Variants in WNT7B observed in about 807,000 individuals in gnomAD.
WNT7B encodes the protein Wnt family member 7B, also known as protein Wnt-7b.
Under a neutral mutation model 38.2 loss-of-function variants are expected in WNT7B, and 19 were observed. The observed-to-expected ratio is 0.50, with a 90% CI of 0.35 to 0.73. WNT7B has a LOEUF of 0.73. WNT7B is among the 30% of genes least tolerant of loss of function. The pLI is 0.01. For synonymous variants in WNT7B, 243 were observed against 209.3 expected (o/e 1.16, Z -1.39); for missense variants, 423 against 507.9 (o/e 0.83, Z 1.61).
At chr22:45,928,283 C>T (rs1292939985) in intron 3 of WNT7B, among the ~76,000 whole-genome samples, 1 of 152,166 alleles carries the variant, frequency 6.6e-6, no homozygotes, top group Non-Finnish European at 1.5e-5. Flanking sequence ...GGGCTGGATT[C>T]AGTGCTTATG....
At chr22:45,933,984 C>T (rs1931446623) in intron 2 of WNT7B, among the ~76,000 whole-genome samples, 1 of 152,224 alleles carries the variant, frequency 6.6e-6, no homozygotes, top group Admixed American at 6.5e-5. Flanking sequence ...CCGGAACATT[C>T]AGAGGCCGGT....
At position 45,963,486 on chromosome 22, in the gene WNT7B, C is replaced by A. The variant is rs141763774; in HGVS notation, c.71+13198G>T. Among the ~76,000 whole-genome samples, 120 of 152,250 alleles carry A rather than the reference C, an allele frequency of 7.9e-4. 2 individuals are homozygous for A. The East Asian group carries it at 0.022, about 28-fold the overall frequency. ...TGAAGTGGCCCGAGGTCCTGAGTGC[C>A]GTCCCTGCCTTCCCCACGGCGAGCC... On this transcript the variant is annotated intron_variant, in intron 1 of 3. Coordinates refer to ENST00000339464, the MANE Select transcript of WNT7B (RefSeq NM_058238.3).
At position 45,935,874 on chromosome 22, in the gene WNT7B, G is replaced by A. The variant is rs1931502474; in HGVS notation, c.299-4505C>T. On this transcript the variant is annotated intron_variant, in intron 2 of 3. Transcript: ENST00000339464. ...GCTGCCCTAGATGTGTGTGGTGATGGGGAAGCTGGATGAGGGCAGCACGGA... is the reference window on the plus strand; with the variant it reads ...GCTGCCCTAGATGTGTGTGGTGATGAGGAAGCTGGATGAGGGCAGCACGGA... 8.1e-6 allele frequency: 8 copies of A among 985,366 alleles called. No homozygotes were observed. In the South Asian group the frequency reaches 3.3e-4, roughly 41 times the overall value. 61.0% of individuals were successfully genotyped at this position (985,366 alleles called of 1,614,324 possible). A position where few individuals can be genotyped will look rare whatever the true frequency, so the allele number is the denominator to read the frequency against.
Position 45,932,571 on chromosome 22 carries a change from T to C in WNT7B, c.299-1202A>G, listed in dbSNP as rs375496464. Among the ~76,000 whole-genome samples the C allele has an allele frequency of 3.2e-3, 493 of 152,206 alleles. 4 individuals are homozygous for C. The highest frequency in any genetic ancestry group is 0.011 in the African/African-American group (470 of 41,558). On this transcript the variant is annotated intron_variant, in intron 2 of 3. Coordinates refer to ENST00000339464, the MANE Select transcript of WNT7B (RefSeq NM_058238.3). ...GCAGGTTCAGCTCTCATTTCCTCTT[T>C]GTTTCCCCCATCTCCAGGCCAGGCC... is the stretch of plus-strand genomic sequence containing the variant.
At chr22:45,929,384 T>C (rs187641260) in intron 3 of WNT7B, among the ~76,000 whole-genome samples, 2 of 149,266 alleles carry the variant, frequency 1.3e-5, no homozygotes, top group African/African-American at 2.5e-5. Context: ...ATCCACCCAC[T>C]CACCCATCCA....
intron 2 of WNT7B, among the ~76,000 whole-genome samples, chr22:45,939,854 T>C (rs773204773): frequency 2.0e-5 from 3 of 151,960 alleles, no homozygotes; most frequent in Non-Finnish European, 1.5e-5. Flanking sequence ...CCCCAAAACA[T>C]CATGCCAAGT....
Position 45,975,741 on chromosome 22 carries a change from G to A in WNT7B, c.71+943C>T. 1 of 405,908 alleles carries A rather than the reference G, an allele frequency of 2.5e-6. No homozygotes were observed. The highest frequency in any genetic ancestry group is 4.4e-6 in the Non-Finnish European group (1 of 226,132). 25.1% of individuals were successfully genotyped at this position (405,908 alleles called of 1,614,324 possible). On this transcript the variant is annotated intron_variant, in intron 1 of 3. Coordinates refer to ENST00000339464, the MANE Select transcript of WNT7B (RefSeq NM_058238.3). The surrounding 1 kb of genome is among the most constrained non-coding windows in gnomAD (Gnocchi z 6.6). Reference sequence around the variant, plus strand: ...GGGCAGCCGGCGGCGCACAGTAGGCGCGCAGGGCGCGGCGGGGCCCGGGTC... The same window carrying A: ...GGGCAGCCGGCGGCGCACAGTAGGCACGCAGGGCGCGGCGGGGCCCGGGTC...
chr22:45,975,582 T>C lies in WNT7B; in HGVS notation c.71+1102A>G, dbSNP rs1208989308. 1.4e-6 allele frequency: 1 copy of C among 716,672 alleles called. No homozygotes were observed. The highest frequency in any genetic ancestry group is 2.0e-5 in the Admixed American group (1 of 49,982). The allele number at this position is 716,672 out of a possible 1,614,324, so 44.4% of individuals were successfully genotyped here. On this transcript the variant is annotated intron_variant, in intron 1 of 3. Coordinates refer to ENST00000339464, the MANE Select transcript of WNT7B (RefSeq NM_058238.3). The surrounding 1 kb of genome is among the most constrained non-coding windows in gnomAD (Gnocchi z 6.6). ...GGGGCAGACATGGGATGGAGGGTGA[T>C]GGAGAGACGATTCCCAGCGCCTGCT...
chr22:45,949,083 G>A (rs909505845), intron 2 of WNT7B, among the ~76,000 whole-genome samples: 1 of 151,902 alleles, frequency 6.6e-6, no homozygotes, highest in South Asian at 2.1e-4. Flanking sequence ...CACCCCCCTC[G>A]TCCTCCCAAA....
At chr22:45,929,531 C>T (rs1381203942) in intron 3 of WNT7B, among the ~76,000 whole-genome samples, 2 of 136,800 alleles carry the variant, frequency 1.5e-5, no homozygotes, top group Non-Finnish European at 3.1e-5. Flanking sequence ...CATCTTTCCA[C>T]CCACTCATCC....
chr22:45,960,197 C>G (rs1243316222), intron 1 of WNT7B, among the ~76,000 whole-genome samples: 1 of 152,200 alleles, frequency 6.6e-6, no homozygotes, highest in African/African-American at 2.4e-5. Flanking sequence ...GGCCCCAGAC[C>G]TGCCCCCTCA....
intron 1 of WNT7B, among the ~76,000 whole-genome samples, chr22:45,957,010 G>A (rs540764093): frequency 1.3e-5 from 2 of 151,560 alleles, no homozygotes; most frequent in African/African-American, 2.4e-5. Context: ...GGAAGCTGAG[G>A]CAGGAGAATC....
In WNT7B at chr22:45,976,610, CG is replaced by C; in HGVS notation, c.71+73del. The C allele has an allele frequency of 2.7e-6, 4 of 1,507,482 alleles. No individual in the cohort carries two copies. The highest frequency in any genetic ancestry group is 3.6e-6 in the Non-Finnish European group (4 of 1,105,202). 93.4% of individuals were successfully genotyped at this position (1,507,482 alleles called of 1,614,324 possible). ...GCCCCCTCCAGTCCCCACGTCCCCA[CG>C]GGGACGCCCCGGAGGCAGCTCCTTC... is the stretch of plus-strand genomic sequence containing the variant. On this transcript the variant is annotated intron_variant, in intron 1 of 3. Coordinates refer to ENST00000339464, the MANE Select transcript of WNT7B (RefSeq NM_058238.3). This position sits in a 1 kb window ranked among gnomAD's most constrained non-coding sequence, Gnocchi z 8.5.
chr22:45,972,240 T>TGGGCCGGCGTGCCTGGC (rs1250305576), intron 1 of WNT7B: 3 of 641,814 alleles, frequency 4.7e-6, no homozygotes, highest in Non-Finnish European at 8.6e-6. Context: ...AGAAGCATGG[T>TGGGCCGGCGTGCCTGGC]GGGCCGGCGT....
intron 1 of WNT7B, among the ~76,000 whole-genome samples, chr22:45,953,204 TCCC>T (rs1931977454): frequency 4.0e-5 from 2 of 50,620 alleles, no homozygotes; most frequent in Middle Eastern, 8.6e-3. Context: ...GTGCCTGGCT[TCCC>T]CTCACAGTCA....
chr22:45,959,213 T>G (rs1932140041), intron 1 of WNT7B, among the ~76,000 whole-genome samples: 1 of 152,124 alleles, frequency 6.6e-6, no homozygotes, highest in African/African-American at 2.4e-5. Flanking sequence ...TGGGACACCC[T>G]CAGCAGGGCT....
At position 45,975,957 on chromosome 22, in the gene WNT7B, C is replaced by T. The variant is rs1159666440; in HGVS notation, c.71+727G>A. 3 of 152,230 alleles carry T rather than the reference C, an allele frequency of 2.0e-5. No homozygotes were observed. Among genetic ancestry groups the T allele is most frequent in the Non-Finnish European group, 4.4e-5 (3 of 68,758 alleles). 9.4% of individuals were successfully genotyped at this position (152,230 alleles called of 1,614,324 possible). On this transcript the variant is annotated intron_variant, in intron 1 of 3. Transcript: ENST00000339464. The surrounding 1 kb of genome is among the most constrained non-coding windows in gnomAD (Gnocchi z 6.6). ...GGTTCAGGAATGTGGAAATACGACTCGGAGCAGCTACCGCAGAGAGCAGCT... is the reference window on the plus strand; with the variant it reads ...GGTTCAGGAATGTGGAAATACGACTTGGAGCAGCTACCGCAGAGAGCAGCT...
chr22:45,941,625 T>C (rs555294058), intron 2 of WNT7B, among the ~76,000 whole-genome samples: 17 of 150,296 alleles, frequency 1.1e-4, no homozygotes, highest in Admixed American at 4.0e-4. Flanking sequence ...GTGGAAAGAG[T>C]TGCCTCGGCC....
Position 45,975,548 on chromosome 22 carries a change from T to A in WNT7B, c.71+1136A>T, listed in dbSNP as rs867791620. On this transcript the variant is annotated intron_variant, in intron 1 of 3. Coordinates refer to ENST00000339464, the MANE Select transcript of WNT7B (RefSeq NM_058238.3). The surrounding 1 kb of genome is among the most constrained non-coding windows in gnomAD (Gnocchi z 6.6). Reference sequence around the variant, plus strand: ...CCTTGGGCCTCAGTTTCTCCACCTGTAAAATGGCGGGGCAGACATGGGATG... The same window carrying A: ...CCTTGGGCCTCAGTTTCTCCACCTGAAAAATGGCGGGGCAGACATGGGATG... The A allele has an allele frequency of 2.8e-6, 2 of 716,918 alleles. No individual in the cohort carries two copies. Among genetic ancestry groups the A allele is most frequent in the Middle Eastern group, 2.3e-4 (1 of 4,360 alleles). 44.4% of individuals were successfully genotyped at this position (716,918 alleles called of 1,614,324 possible).
Sources: gnomAD v4.1 joint callset for allele counts (sites outside exome capture counted in the v4.1 genomes callset) on GRCh38, gnomAD v4.1.1 for gene constraint, Gnocchi (gnomAD v3.1) non-coding constraint, MANE v1.5 for transcripts, NCBI Gene and HGNC (gene_info 2026-07-23, HGNC 2026-07-21) for gene names.